DPP6: variants seen among roughly 807,000 people sequenced by gnomAD.
DPP6 encodes the protein dipeptidyl peptidase like 6, also known as A-type potassium channel modulatory protein DPP6.
Under a neutral mutation model 122.6 loss-of-function variants are expected in DPP6, and 69 were observed. The observed-to-expected ratio is 0.56, with a 90% CI of 0.46 to 0.69. The LOEUF is 0.69. Ranked by LOEUF, DPP6 falls within the 30% of genes least tolerant of loss-of-function variation. The probability of loss-of-function intolerance (pLI) is 0.00; values close to 1 mark genes in which losing one functional copy is unlikely to be tolerated. For synonymous variants in DPP6, 418 were observed against 433.1 expected (o/e 0.97, Z 0.43); for missense variants, 928 against 1,116.9 (o/e 0.83, Z 2.41).
rs541722285 is a variant in DPP6 at position 154,282,633 on chromosome 7, C to G, written c.244-163581C>G. ...GGAGCTGTCTCCTTTGAGTTGCTAT[C>G]AAATCGCATATGTTGCATGCTTACT... On this transcript the variant is annotated intron_variant, in intron 1 of 25. Coordinates refer to ENST00000377770, the MANE Select transcript of DPP6 (RefSeq NM_130797.4). The surrounding 1 kb of genome is among the most constrained non-coding windows in gnomAD (Gnocchi z 4.8). 2.0e-4 allele frequency among the ~76,000 whole-genome samples: 30 copies of G among 152,276 alleles called. 1 individual carries two copies. Among genetic ancestry groups the G allele is most frequent in the African/African-American group, 7.0e-4 (29 of 41,568 alleles).
At chr7:154,696,028 G>C (rs730066) in intron 7 of DPP6, among the ~76,000 whole-genome samples, 4 of 152,134 alleles carry the variant, frequency 2.6e-5, no homozygotes, top group Non-Finnish European at 5.9e-5. Flanking sequence ...GTGGCAGCAC[G>C]GGCCTTGAAA....
chr7:154,705,728 C>A (rs1028819250), intron 7 of DPP6, among the ~76,000 whole-genome samples: 1 of 152,166 alleles, frequency 6.6e-6, no homozygotes, highest in Non-Finnish European at 1.5e-5. Flanking sequence ...TCAAACTAGG[C>A]AAACAAAAAG....
At chr7:153,829,729 C>T in the DPP6 span, among the ~76,000 whole-genome samples, 1 of 152,192 alleles carries the variant, frequency 6.6e-6, no homozygotes, top group Admixed American at 6.5e-5. Flanking sequence ...CCTCTGATGG[C>T]CACTTTTCAT....
At chr7:153,767,026 G>A in the DPP6 span, among the ~76,000 whole-genome samples, 1 of 152,122 alleles carries the variant, frequency 6.6e-6, no homozygotes, top group African/African-American at 2.4e-5. Flanking sequence ...GATGGAAAAG[G>A]CAGAATGACC....
At chr7:154,467,185 A>G (rs1821858469) in intron 2 of DPP6, among the ~76,000 whole-genome samples, 1 of 152,120 alleles carries the variant, frequency 6.6e-6, no homozygotes, top group Non-Finnish European at 1.5e-5. Context: ...GCCCTCTGGG[A>G]GTCATCTTTC....
chr7:154,131,210 A>C (rs1795263173), intron 1 of DPP6, among the ~76,000 whole-genome samples: 1 of 152,216 alleles, frequency 6.6e-6, no homozygotes, highest in Admixed American at 6.5e-5. Context: ...TTGCTTACTT[A>C]TCCTAAGATT....
At chr7:153,770,226 T>G in the DPP6 span, among the ~76,000 whole-genome samples, 1 of 152,050 alleles carries the variant, frequency 6.6e-6, no homozygotes, top group East Asian at 1.9e-4. Context: ...TCATTGCAAC[T>G]GGTGTATGAA....
intron 7 of DPP6, 31 bp downstream of exon 7, chr7:154,669,472 G>C (rs561610953): frequency 6.5e-7 from 1 of 1,547,158 alleles, no homozygotes; most frequent in African/African-American, 1.4e-5. Context: ...AACTATACTT[G>C]GGTTTTGAGG....
chr7:154,339,051 G>A (rs1289880331), intron 1 of DPP6, among the ~76,000 whole-genome samples: 1 of 152,192 alleles, frequency 6.6e-6, no homozygotes, highest in Non-Finnish European at 1.5e-5. Flanking sequence ...GCTGTGAACA[G>A]GCCAGATTAT....
intron 1 of DPP6, among the ~76,000 whole-genome samples, chr7:154,352,453 A>G (rs1810943984): frequency 6.6e-6 from 1 of 152,036 alleles, no homozygotes; most frequent in South Asian, 2.1e-4. Context: ...ACAGAGTGAG[A>G]CTCTGTCTCA....
the DPP6 span, among the ~76,000 whole-genome samples, chr7:153,812,982 G>T: frequency 3.9e-5 from 6 of 151,968 alleles, no homozygotes; most frequent in Non-Finnish European, 7.4e-5. Flanking sequence ...GGTATAAAAC[G>T]CTGGAATCCT....
chr7:153,946,734 A>G (rs1801965913), intron 1 of DPP6, among the ~76,000 whole-genome samples: 1 of 152,046 alleles, frequency 6.6e-6, no homozygotes, highest in African/African-American at 2.4e-5. Context: ...AGCAGTTTGG[A>G]TAAGTGGGAA....
At chr7:154,840,961 G>A (rs577558079) in intron 16 of DPP6, among the ~76,000 whole-genome samples, 1 of 152,158 alleles carries the variant, frequency 6.6e-6, no homozygotes, top group East Asian at 1.9e-4. Flanking sequence ...GTCAATGTAC[G>A]TTTTCCTAGG....
rs112481645 is a variant in DPP6, at chr7:154,364,103, C to T, written c.244-82111C>T. On this transcript the variant is annotated intron_variant, in intron 1 of 25. Transcript: ENST00000377770. ...AAGTTACTTTCTTACCTTGAAGACC[C>T]ACCATTAAATATAAACTAATCAGCC... Among the ~76,000 whole-genome samples, 117 of 152,186 alleles carry T rather than the reference C, an allele frequency of 7.7e-4. 1 individual carries two copies. The East Asian group carries it at 0.015, about 20-fold the overall frequency.
intron 5 of DPP6, among the ~76,000 whole-genome samples, chr7:154,571,021 C>T (rs981347967): frequency 6.6e-6 from 1 of 152,138 alleles, no homozygotes; most frequent in Admixed American, 6.5e-5. Context: ...AAGATCATTC[C>T]TGCTCCAAAG....
chr7:153,992,880 T>C (rs1797246520), intron 1 of DPP6, among the ~76,000 whole-genome samples: 1 of 152,076 alleles, frequency 6.6e-6, no homozygotes, highest in Non-Finnish European at 1.5e-5. Flanking sequence ...TCCCTCATAT[T>C]TATCTCTTGA....
intron 1 of DPP6, among the ~76,000 whole-genome samples, chr7:154,028,246 AC>A: frequency 6.6e-6 from 1 of 151,966 alleles, no homozygotes; most frequent in Non-Finnish European, 1.5e-5. Context: ...CCCCGAATAC[AC>A]CCTAATGTGC....
intron 6 of DPP6, among the ~76,000 whole-genome samples, chr7:154,643,132 G>C (rs990019348): frequency 2.0e-5 from 3 of 152,028 alleles, no homozygotes; most frequent in Non-Finnish European, 4.4e-5. Context: ...TCTAAGCTGA[G>C]GCTTGTTTCA....
intron 4 of DPP6, among the ~76,000 whole-genome samples, chr7:154,562,341 C>T (rs982555283): frequency 6.6e-6 from 1 of 151,862 alleles, no homozygotes; most frequent in African/African-American, 2.4e-5. Flanking sequence ...ACTAAAAAAG[C>T]AAAATAACAT....
Sources: allele counts gnomAD v4.1 joint callset (sites outside exome capture counted in the v4.1 genomes callset), GRCh38; gene constraint gnomAD v4.1.1; non-coding constraint Gnocchi (gnomAD v3.1); transcripts MANE v1.5; gene names NCBI Gene and HGNC (gene_info 2026-07-23, HGNC 2026-07-21).